Variants in ZNF561 observed in about 807,000 individuals in gnomAD.
The protein encoded by ZNF561 is zinc finger protein 561.
ZNF561 carries 16 observed loss-of-function variants against 16.7 expected under a neutral mutation model. That is an observed-to-expected ratio of 0.96 (90% CI 0.65 to 1.45). ZNF561 has a LOEUF of 1.45. Ranked by LOEUF, ZNF561 falls within the 40% of genes most tolerant of loss-of-function variation. The pLI, the probability that ZNF561 is intolerant of heterozygous loss-of-function variation, is 0.00. For missense variants in ZNF561, 580 were observed against 578.0 expected, an observed-to-expected ratio of 1.00 and a Z score of -0.04; for synonymous variants, 190 against 192.1, an observed-to-expected ratio of 0.99 and a Z score of 0.09.
In ZNF561 at chr19:9,619,579, G is replaced by A. The variant is rs956154466; in HGVS notation, c.-123C>T. On this transcript the variant is annotated 5_prime_UTR_variant, in exon 2 of 6. Coordinates refer to ENST00000302851, the MANE Select transcript of ZNF561 (RefSeq NM_152289.3). ...TTCCTCTTTGTACAGGGTTATTTGC[G>A]GTCCTGTTCATATCAATCATCAAAC... 44 of 853,288 alleles carry A rather than the reference G, an allele frequency of 5.2e-5. No individual in the cohort carries two copies. The highest frequency in any genetic ancestry group is 1.4e-4 in the South Asian group (8 of 56,148). The allele number at this position is 853,288 out of a possible 1,614,324, so 52.9% of individuals were successfully genotyped here.
At position 9,610,399 on chromosome 19, in the gene ZNF561, A is replaced by C. The variant is rs1349553990; in HGVS notation, c.1262T>G (p.Phe421Cys). ...HLKTHSGEKP[F>C]VCKICGKAFL... Reference sequence around the variant, plus strand: ...TGCTTTCCCACATATCTTGCATACAAAGGGCTTTTCTCCACTATGAGTTTT... The same window carrying C: ...TGCTTTCCCACATATCTTGCATACACAGGGCTTTTCTCCACTATGAGTTTT... The change falls in exon 6 of 6, where the codon TTT becomes TGT. Residue 421 changes from phenylalanine (F) to cysteine (C), a missense_variant. Coordinates refer to ENST00000302851, the MANE Select transcript of ZNF561 (RefSeq NM_152289.3). 1.2e-6 allele frequency: 2 copies of C among 1,613,626 alleles called. No individual in the cohort carries two copies. Among genetic ancestry groups the C allele is most frequent in the African/African-American group, 2.7e-5 (2 of 74,912 alleles).
chr19:9,608,715 C>T lies in ZNF561; in HGVS notation c.*1485G>A, dbSNP rs554028894. The stretch of plus-strand genomic sequence containing the variant: ...ATGCTATTGGGAAATAAAGAAAATA[C>T]AACCCTTGATACGAAGTAGTGAAGA... On this transcript the variant is annotated 3_prime_UTR_variant, in exon 6 of 6. Transcript: ENST00000302851. 1 of 152,172 alleles carries T rather than the reference C, an allele frequency of 6.6e-6. No individual in the cohort carries two copies. The highest frequency in any genetic ancestry group is 1.5e-5 in the Non-Finnish European group (1 of 68,042). 9.4% of individuals were successfully genotyped at this position (152,172 alleles called of 1,614,324 possible).
At position 9,619,641 on chromosome 19, in the gene ZNF561, T is replaced by A. The variant is rs879248403; in HGVS notation, c.-126-59A>T. 10 of 497,284 alleles carry A rather than the reference T, an allele frequency of 2.0e-5. No homozygotes were observed. The South Asian group carries it at 3.1e-4, about 15-fold the overall frequency. The allele number at this position is 497,284 out of a possible 1,614,324, so 30.8% of individuals were successfully genotyped here. On this transcript the variant is annotated intron_variant, in intron 1 of 5. Transcript: ENST00000302851. ...AACATCAGTCATCAAACATTATGCCTGAGCTTTGTCTCTGCAGGTGACAGA... is the reference window on the plus strand; with the variant it reads ...AACATCAGTCATCAAACATTATGCCAGAGCTTTGTCTCTGCAGGTGACAGA...
intron 1 of ZNF561, among the ~76,000 whole-genome samples, chr19:9,619,882 T>TATCTATATATCC (rs1454748883): frequency 4.9e-5 from 7 of 142,662 alleles, no homozygotes; most frequent in African/African-American, 1.8e-4. Flanking sequence ...TATATCTATC[T>TATCTATATATCC]ATCTATATAT....
chr19:9,615,519 C>G (rs2074538625), intron 4 of ZNF561, among the ~76,000 whole-genome samples: 1 of 151,942 alleles, frequency 6.6e-6, no homozygotes, highest in Admixed American at 6.6e-5. Context: ...ATCACCTGAA[C>G]CTGGGAGGGC....
chr19:9,619,528 A>G lies in ZNF561; in HGVS notation c.-72T>C, dbSNP rs1288189871. On this transcript the variant is annotated 5_prime_UTR_variant, in exon 2 of 6. Transcript: ENST00000302851. ...AAGATCACCTCAGGCCAGCTTATGAATCTAGGTGGATAGAGGCAATCTCCA... is the reference window on the plus strand; with the variant it reads ...AAGATCACCTCAGGCCAGCTTATGAGTCTAGGTGGATAGAGGCAATCTCCA... 2 of 1,539,180 alleles carry G rather than the reference A, an allele frequency of 1.3e-6. No homozygotes were observed. Among genetic ancestry groups the G allele is most frequent in the Non-Finnish European group, 1.8e-6 (2 of 1,116,610 alleles).
At chr19:9,612,454 A>G (rs928859241) in intron 5 of ZNF561, among the ~76,000 whole-genome samples, 13 of 151,988 alleles carry the variant, frequency 8.6e-5, no homozygotes, top group Non-Finnish European at 1.8e-4. Flanking sequence ...TGCTGACCTC[A>G]TGATCTGCCT....
rs2074386882 is a variant in ZNF561 at position 9,608,315 on chromosome 19, A to T, written c.*1885T>A. On this transcript the variant is annotated 3_prime_UTR_variant, in exon 6 of 6. Coordinates refer to ENST00000302851, the MANE Select transcript of ZNF561 (RefSeq NM_152289.3). ...AGAGGAGAAAGGAGAGAGGAGAGAG[A>T]GACCTATTTGTTGGTTTCCTTCCTG... The T allele has an allele frequency of 6.6e-6, 1 of 151,910 alleles. No individual in the cohort carries two copies. The highest frequency in any genetic ancestry group is 1.5e-5 in the Non-Finnish European group (1 of 67,984). 9.4% of individuals were successfully genotyped at this position (151,910 alleles called of 1,614,324 possible).
intron 5 of ZNF561, among the ~76,000 whole-genome samples, chr19:9,611,783 C>T (rs1479105547): frequency 6.6e-6 from 1 of 152,060 alleles, no homozygotes; most frequent in Non-Finnish European, 1.5e-5. Context: ...TGCTCCATTG[C>T]CTGGACTATA....
At chr19:9,611,422 C>A (rs541086980) in intron 5 of ZNF561, 86 bp from the exon 6 acceptor site, 4 of 1,337,992 alleles carry the variant, frequency 3.0e-6, no homozygotes, top group Admixed American at 5.1e-5. Context: ...ATTTTGATGA[C>A]AATTATGATT....
At chr19:9,620,220 G>A (rs1014980414) in intron 1 of ZNF561, among the ~76,000 whole-genome samples, 1 of 152,110 alleles carries the variant, frequency 6.6e-6, no homozygotes. Flanking sequence ...CTCCCGAGTA[G>A]CTGGGATTTC....
At chr19:9,611,745 T>C (rs953332362) in intron 5 of ZNF561, among the ~76,000 whole-genome samples, 1 of 151,960 alleles carries the variant, frequency 6.6e-6, no homozygotes, top group African/African-American at 2.4e-5. Context: ...ACACCCAGTA[T>C]GTTTCACTTT....
chr19:9,612,205 G>A (rs1312931576), intron 5 of ZNF561, among the ~76,000 whole-genome samples: 1 of 152,058 alleles, frequency 6.6e-6, no homozygotes, highest in Non-Finnish European at 1.5e-5. Context: ...TGAGATTACA[G>A]GGGTGAGCCA....
In ZNF561 at chr19:9,619,470, T is replaced by C; in HGVS notation, c.-14A>G. Reference sequence around the variant, plus strand: ...AATGGCTGCCATTCTCTGAAGCTGATGGTGTGATGATGTGCATCCCTTCCT... The same window carrying C: ...AATGGCTGCCATTCTCTGAAGCTGACGGTGTGATGATGTGCATCCCTTCCT... On this transcript the variant is annotated 5_prime_UTR_variant, in exon 2 of 6. Transcript: ENST00000302851. 6.2e-7 allele frequency: 1 copy of C among 1,613,038 alleles called. No individual in the cohort carries two copies. Among genetic ancestry groups the C allele is most frequent in the Non-Finnish European group, 8.5e-7 (1 of 1,179,310 alleles).
Position 9,611,309 on chromosome 19 carries a change from A to C in ZNF561, c.352T>G (p.Cys118Gly). 6.2e-7 allele frequency: 1 copy of C among 1,612,814 alleles called. No homozygotes were observed. Among genetic ancestry groups the C allele is most frequent in the Non-Finnish European group, 8.5e-7 (1 of 1,178,832 alleles). Residue 118 changes from cysteine (C) to glycine (G), a missense_variant, in exon 6 of 6, where the codon TGT becomes GGT. Coordinates refer to ENST00000302851, the MANE Select transcript of ZNF561 (RefSeq NM_152289.3). ...ACCTCTCCACAATTCTTACAGTCAC[A>C]GAGTTTCCATCCACTGTAGCCTCTT... is the stretch of plus-strand genomic sequence containing the variant. ...MTRGYSGWKL[C>G]DCKNCGEVFR...
At chr19:9,619,630 A>G in intron 1 of ZNF561, 48 bp from the exon 2 acceptor site, 1 of 533,774 alleles carries the variant, frequency 1.9e-6, no homozygotes, top group South Asian at 3.1e-5. Context: ...TCAGTCATCA[A>G]ACATTATGCC....
chr19:9,612,255 C>T (rs2074474018), intron 5 of ZNF561, among the ~76,000 whole-genome samples: 1 of 151,178 alleles, frequency 6.6e-6, no homozygotes, highest in Non-Finnish European at 1.5e-5. Context: ...GAGATGTAGT[C>T]TCACTTTGGC....
chr19:9,608,691 T>C lies in ZNF561; in HGVS notation c.*1509A>G, dbSNP rs1599213971. On this transcript the variant is annotated 3_prime_UTR_variant, in exon 6 of 6. Coordinates refer to ENST00000302851, the MANE Select transcript of ZNF561 (RefSeq NM_152289.3). ...AGGTGTCATTGGGGAATGAGGAACA[T>C]GCTATTGGGAAATAAAGAAAATACA... 1 of 152,122 alleles carries C rather than the reference T, an allele frequency of 6.6e-6. No homozygotes were observed. Among genetic ancestry groups the C allele is most frequent in the Non-Finnish European group, 1.5e-5 (1 of 68,040 alleles). The allele number at this position is 152,122 out of a possible 1,614,324, so 9.4% of individuals were successfully genotyped here.
chr19:9,610,978 T>C lies in ZNF561; in HGVS notation c.683A>G (p.Gln228Arg). 1 of 1,614,202 alleles carries C rather than the reference T, an allele frequency of 6.2e-7. No individual in the cohort carries two copies. The highest frequency in any genetic ancestry group is 8.5e-7 in the Non-Finnish European group (1 of 1,180,026). ...IHTDEKLCEF[Q>R]EYGRAVTASS... The stretch of plus-strand genomic sequence containing the variant: ...AGCTGTGACAGCTCTCCCATATTCC[T>C]GAAATTCACAGAGTTTCTCATCAGT... Residue 228 changes from glutamine (Q) to arginine (R), a missense_variant, in exon 6 of 6, where the codon CAG becomes CGG. Transcript: ENST00000302851.
Sources: allele counts gnomAD v4.1 joint callset (sites outside exome capture counted in the v4.1 genomes callset), GRCh38; gene constraint gnomAD v4.1.1; transcripts MANE v1.5; gene names NCBI Gene and HGNC (gene_info 2026-07-23, HGNC 2026-07-21).